The following NOXA1 variants were observed in gnomAD, a reference collection of about 807,000 sequenced individuals.
The protein encoded by NOXA1 is NADPH oxidase activator 1, also known as NCF2-like protein.
Under a neutral mutation model 64.8 loss-of-function variants are expected in NOXA1, and 56 were observed. The observed-to-expected ratio is 0.86, with a 90% CI of 0.70 to 1.08. The LOEUF is 1.08. NOXA1 is among the 50% of genes least tolerant of loss of function. The pLI, the probability that NOXA1 is intolerant of heterozygous loss-of-function variation, is 0.00. For missense variants in NOXA1, 668 were observed against 658.5 expected (o/e 1.01, Z -0.16); for synonymous variants, 295 against 294.8 (o/e 1.00, Z -0.01).
In NOXA1 at chr9:137,433,037, G is replaced by A; in HGVS notation, c.813G>A (p.Gln271=). The change falls in exon 9 of 14, where the codon CAG becomes CAA. Residue 271 remains glutamine, a synonymous_variant. Coordinates refer to ENST00000683555, the MANE Select transcript of NOXA1 (RefSeq NM_001256067.2). ...TSTAYQEQRP[Q]VEQVGKQAPL... is the part of the protein sequence containing the mutation. ...CTGTGCTTCTCTTGCAGAGGCCCCAGGTGGAGCAAGTTGGCAAACAGGCTC... is the reference window on the plus strand; with the variant it reads ...CTGTGCTTCTCTTGCAGAGGCCCCAAGTGGAGCAAGTTGGCAAACAGGCTC... The A allele has an allele frequency of 1.9e-6, 3 of 1,612,768 alleles. No individual in the cohort carries two copies. The highest frequency in any genetic ancestry group is 2.5e-6 in the Non-Finnish European group (3 of 1,179,884).
chr9:137,427,655 G>A (rs763694421), intron 2 of NOXA1, among the ~76,000 whole-genome samples: 1 of 152,226 alleles, frequency 6.6e-6, no homozygotes, highest in African/African-American at 2.4e-5. Context: ...TCCCAGCAAG[G>A]CTTGGAAGGA....
Position 137,423,570 on chromosome 9 carries a change from G to T in NOXA1, c.41G>T (p.Gly14Val), listed in dbSNP as rs867062779. 3 of 1,457,226 alleles carry T rather than the reference G, an allele frequency of 2.1e-6. No homozygotes were observed. Among genetic ancestry groups the T allele is most frequent in the Admixed American group, 4.3e-5 (2 of 47,056 alleles). 90.3% of individuals were successfully genotyped at this position (1,457,226 alleles called of 1,614,324 possible). The change falls in exon 1 of 14, where the codon GGC becomes GTC. Residue 14 changes from glycine to valine, a missense_variant. Physicochemically the swap from Gly to Val is moderately radical, Grantham distance 109 (BLOSUM62 -3). Coordinates refer to ENST00000683555, the MANE Select transcript of NOXA1 (RefSeq NM_001256067.2). ...LGDLVRAWHL[G>V]AQAVDRGDWA... ...GACCTGGTGCGCGCCTGGCACCTGG[G>T]CGCGCAGGCTGTGGATCGTGGGGAC...
chr9:137,428,955 C>T lies in NOXA1; in HGVS notation c.443C>T (p.Ala148Val). 1 of 1,599,390 alleles carries T rather than the reference C, an allele frequency of 6.3e-7. No individual in the cohort carries two copies. The highest frequency in any genetic ancestry group is 8.5e-7 in the Non-Finnish European group (1 of 1,173,886). The part of the protein sequence containing the change: ...WTEAASSLRE[A>V]MSKWPEGSLN... ...GAGGCGGCCAGCAGCCTAAGGGAGG[C>T]CATGTCCAAGTGGCCGGAGGGGTCC... Residue 148 changes from alanine to valine, a missense_variant, in exon 4 of 14, where the codon GCC becomes GTC. Transcript: ENST00000683555.
In NOXA1 at chr9:137,423,443, A is replaced by G; in HGVS notation, c.-87A>G. ...GCCCGCACCTCTGCCCGCCTCGGAG[A>G]CCCCGCAGCCCCGCGCCGCCGCCTG... On this transcript the variant is annotated 5_prime_UTR_variant, in exon 1 of 14. Transcript: ENST00000683555. 1 of 891,240 alleles carries G rather than the reference A, an allele frequency of 1.1e-6. No homozygotes were observed. 55.2% of individuals were successfully genotyped at this position (891,240 alleles called of 1,614,324 possible). A position where few individuals can be genotyped will look rare whatever the true frequency, so the allele number is the denominator to read the frequency against.
rs1303426685 is a variant in NOXA1 at position 137,429,321 on chromosome 9, T to G, written c.550T>G (p.Phe184Val). The G allele has an allele frequency of 1.3e-6, 2 of 1,580,054 alleles. No individual in the cohort carries two copies. The highest frequency in any genetic ancestry group is 4.6e-5 in the East Asian group (2 of 43,530). ...PPRQVPRGEV[F>V]RPHRWHLKHL... ...ACGGCAGGTCCCCAGGGGCGAGGTC[T>G]TCCGGCCCCACCGGTGGCACCTGAA... Residue 184 changes from phenylalanine (F) to valine (V), a missense_variant, in exon 5 of 14, where the codon TTC becomes GTC. Physicochemically the swap from Phe to Val is conservative, Grantham distance 50. Transcript: ENST00000683555.
At chr9:137,432,132 C>T (rs150710585) in intron 8 of NOXA1, among the ~76,000 whole-genome samples, 140 of 152,182 alleles carry the variant, frequency 9.2e-4, no homozygotes, top group African/African-American at 3.1e-3. Flanking sequence ...TAATAAGTTA[C>T]AATCGAGGCC....
chr9:137,423,410 C>A lies in NOXA1; in HGVS notation c.-120C>A. The A allele has an allele frequency of 1.9e-6, 1 of 537,478 alleles. No individual in the cohort carries two copies. Among genetic ancestry groups the A allele is most frequent in the Non-Finnish European group, 2.6e-6 (1 of 383,218 alleles). 33.3% of individuals were successfully genotyped at this position (537,478 alleles called of 1,614,324 possible). ...CGCGGGGCAGCGGGGTTGCACCTGGCGCTTGGCGCCCGCACCTCTGCCCGC... is the reference window on the plus strand; with the variant it reads ...CGCGGGGCAGCGGGGTTGCACCTGGAGCTTGGCGCCCGCACCTCTGCCCGC... On this transcript the variant is annotated 5_prime_UTR_variant, in exon 1 of 14. Coordinates refer to ENST00000683555, the MANE Select transcript of NOXA1 (RefSeq NM_001256067.2).
At position 137,429,298 on chromosome 9, in the gene NOXA1, G is replaced by A. The variant is rs200897994; in HGVS notation, c.527G>A (p.Arg176Gln). The A allele has an allele frequency of 1.8e-4, 284 of 1,571,454 alleles. No homozygotes were observed. Among genetic ancestry groups the A allele is most frequent in the Non-Finnish European group, 2.2e-4 (253 of 1,158,962 alleles). The change falls in exon 5 of 14, where the codon CGG becomes CAG. Residue 176 changes from arginine (R) to glutamine (Q), a missense_variant. Physicochemically the swap from Arg to Gln is conservative, Grantham distance 43. Coordinates refer to ENST00000683555, the MANE Select transcript of NOXA1 (RefSeq NM_001256067.2). ...CAGAGACGGGGCTCACTGCCGCCAC[G>A]GCAGGTCCCCAGGGGCGAGGTCTTC... ...QVQRRGSLPP[R>Q]QVPRGEVFRP...
intron 11 of NOXA1, 42 bp downstream of exon 11, chr9:137,433,649 C>G (rs1232491154): frequency 2.0e-6 from 3 of 1,524,716 alleles, no homozygotes; most frequent in Non-Finnish European, 2.7e-6. Flanking sequence ...GAGCTGGGCA[C>G]CGCCCCGACT....
chr9:137,428,742 G>A, intron 3 of NOXA1, 140 bp from the exon 4 acceptor site: 2 of 722,374 alleles, frequency 2.8e-6, no homozygotes, highest in South Asian at 3.8e-5. Flanking sequence ...GAGGCTGGGT[G>A]GGGGGATGGG....
Position 137,434,087 on chromosome 9 carries a change from G to T in NOXA1, c.1294+8G>T, listed in dbSNP as rs1363535962. 1 of 1,583,736 alleles carries T rather than the reference G, an allele frequency of 6.3e-7. No individual in the cohort carries two copies. Among genetic ancestry groups the T allele is most frequent in the South Asian group, 1.1e-5 (1 of 89,712 alleles). ...TGGACGTCCTGTGTGAAGGTAGGGT[G>T]GGCATGGCCCTTCCCAGGCAGCACC... On this transcript the variant is annotated splice_region_variant and intron_variant, in intron 13 of 13. Transcript: ENST00000683555.
At chr9:137,429,838 T>C (rs1334974489) in intron 5 of NOXA1, among the ~76,000 whole-genome samples, 3 of 46,216 alleles carry the variant, frequency 6.5e-5, no homozygotes, top group African/African-American at 9.3e-5. Flanking sequence ...CTGCCACAGA[T>C]AGCGAGGTCC....
At chr9:137,426,777 C>T (rs970938434) in intron 2 of NOXA1, among the ~76,000 whole-genome samples, 1 of 152,222 alleles carries the variant, frequency 6.6e-6, no homozygotes, top group African/African-American at 2.4e-5. Context: ...AAATAAAATT[C>T]TGTAAAAGAT....
In NOXA1 at chr9:137,433,448, C is replaced by T. The variant is rs2131895768; in HGVS notation, c.910-5C>T. The T allele has an allele frequency of 6.3e-7, 1 of 1,595,912 alleles. No homozygotes were observed. Among genetic ancestry groups the T allele is most frequent in the Non-Finnish European group, 8.5e-7 (1 of 1,174,382 alleles). On this transcript the variant is annotated splice_polypyrimidine_tract_variant and splice_region_variant and intron_variant, in intron 10 of 13. Transcript: ENST00000683555. Reference sequence around the variant, plus strand: ...ACCACCCCTCCCCCTCCTGCCTGGACCCAGGGAGCAGGTGCAGGGGGCTCC... The same window carrying T: ...ACCACCCCTCCCCCTCCTGCCTGGATCCAGGGAGCAGGTGCAGGGGGCTCC...
At chr9:137,434,129 G>T (rs1839257376) in intron 13 of NOXA1, 50 bp downstream of exon 13, 2 of 1,581,360 alleles carry the variant, frequency 1.3e-6, no homozygotes, top group African/African-American at 1.3e-5. Flanking sequence ...CCCGGGGTGT[G>T]GGGGGCTTAG....
Position 137,428,999 on chromosome 9 carries a change from G to A in NOXA1, c.487G>A (p.Ala163Thr), listed in dbSNP as rs1455083890. Residue 163 changes from alanine to threonine, a missense_variant, in exon 4 of 14, where the codon GCC (alanine) becomes ACC (threonine). Ala to Thr is a moderately conservative substitution (Grantham distance 58). Coordinates refer to ENST00000683555, the MANE Select transcript of NOXA1 (RefSeq NM_001256067.2). The stretch of plus-strand genomic sequence containing the variant: ...GGGGTCCCTGAATGGCCTGGACTCA[G>A]CCCTGGACCAAGTGCAGGTGAGGAG... ...PEGSLNGLDS[A>T]LDQVQRRGSL... 1.3e-6 allele frequency: 2 copies of A among 1,575,332 alleles called. No homozygotes were observed. Among genetic ancestry groups the A allele is most frequent in the Admixed American group, 3.6e-5 (2 of 55,380 alleles).
chr9:137,429,485 C>G, intron 5 of NOXA1, 102 bp downstream of exon 5: 1 of 828,266 alleles, frequency 1.2e-6, no homozygotes, highest in South Asian at 1.8e-5. Flanking sequence ...ACCGTAAGGG[C>G]CAGGAGGGTA....
At chr9:137,427,555 C>T (rs576483155) in intron 2 of NOXA1, among the ~76,000 whole-genome samples, 7 of 152,358 alleles carry the variant, frequency 4.6e-5, no homozygotes, top group African/African-American at 9.6e-5. Context: ...TTCTGGATTA[C>T]GATCCAGACC....
chr9:137,426,018 T>A (rs955911721), intron 1 of NOXA1, among the ~76,000 whole-genome samples: 7 of 151,490 alleles, frequency 4.6e-5, no homozygotes, highest in African/African-American at 1.4e-4. Context: ...AGCACCTCAG[T>A]GGGCTCTGCG....
Sources: gnomAD v4.1 joint callset for allele counts (sites outside exome capture counted in the v4.1 genomes callset) on GRCh38, gnomAD v4.1.1 for gene constraint, MANE v1.5 for transcripts, NCBI Gene and HGNC (gene_info 2026-07-23, HGNC 2026-07-21) for gene names.